Variants in JPH1 observed in about 807,000 individuals in gnomAD.
JPH1 encodes the protein junctophilin 1.
In JPH1, 12 loss-of-function variants were observed where a neutral mutation model predicts 53.6. That is an observed-to-expected ratio of 0.22 (90% CI 0.14 to 0.36). The LOEUF (loss-of-function observed/expected upper bound fraction) is 0.36, where lower values mean the gene tolerates loss of function less well. Ranked by LOEUF, JPH1 falls within the 10% of genes least tolerant of loss-of-function variation. The probability of loss-of-function intolerance (pLI) is 1.00; values close to 1 mark genes in which losing one functional copy is unlikely to be tolerated. For synonymous variants in JPH1, 375 were observed against 363.8 expected (o/e 1.03, Z -0.35); for missense variants, 808 against 905.5 (o/e 0.89, Z 1.38).
intron 3 of JPH1, among the ~76,000 whole-genome samples, chr8:74,258,472 A>G (rs1050229410): frequency 6.6e-5 from 10 of 152,204 alleles, no homozygotes; most frequent in African/African-American, 2.2e-4. Flanking sequence ...GTTGATTGCT[A>G]TTTTGTAACA....
chr8:74,255,798 T>A (rs993092353), intron 3 of JPH1, among the ~76,000 whole-genome samples: 3 of 152,134 alleles, frequency 2.0e-5, no homozygotes, highest in African/African-American at 4.8e-5. Context: ...AAAATGCTCA[T>A]CATCACTGGC....
intron 2 of JPH1, among the ~76,000 whole-genome samples, chr8:74,280,223 T>C (rs1418006423): frequency 1.3e-5 from 2 of 152,182 alleles, no homozygotes; most frequent in Admixed American, 6.5e-5. Context: ...CGAGGATTAA[T>C]AGTTGATTAT....
chr8:74,265,910 G>A (rs1375779550), intron 2 of JPH1, among the ~76,000 whole-genome samples: 1 of 151,058 alleles, frequency 6.6e-6, no homozygotes, highest in Non-Finnish European at 1.5e-5. Context: ...AAACCACAAT[G>A]AGATACTATT....
intron 3 of JPH1, among the ~76,000 whole-genome samples, chr8:74,250,846 A>G (rs146124756): frequency 1.7e-3 from 265 of 152,310 alleles, no homozygotes; most frequent in African/African-American, 5.9e-3. Context: ...AGACTGACGT[A>G]CAATCCTAGA....
rs564951779 is a variant in JPH1 at position 74,244,772 on chromosome 8, G to A, written c.1662C>T (p.Tyr554=). 1.8e-5 allele frequency: 29 copies of A among 1,614,198 alleles called. No individual in the cohort carries two copies. The African/African-American group carries it at 2.3e-4, about 13-fold the overall frequency. Residue 554 remains tyrosine (Y), a synonymous_variant, in exon 4 of 6, where the codon TAC becomes TAT. Coordinates refer to ENST00000342232, the MANE Select transcript of JPH1 (RefSeq NM_020647.4). ...GGTGCTGGGGGGCGTTCAGCTTCAC[G>A]TAGTAGCCGTGATACTGAGAATGCA... ...GELHSQYHGY[Y]VKLNAPQHPP...
chr8:74,293,641 C>T (rs1007897467), intron 2 of JPH1, among the ~76,000 whole-genome samples: 1 of 152,214 alleles, frequency 6.6e-6, no homozygotes, highest in Non-Finnish European at 1.5e-5. Context: ...ATTTTATAGG[C>T]ATGCTTTGCC....
Position 74,256,504 on chromosome 8 carries a change from G to A in JPH1, c.1258+2881C>T, listed in dbSNP as rs538576599. ...ACATGTATACATATGTAACAAACCT[G>A]CACGTTGTGCACATGTACCCTAAAA... On this transcript the variant is annotated intron_variant, in intron 3 of 5. Transcript: ENST00000342232. Among the ~76,000 whole-genome samples the A allele has an allele frequency of 6.7e-4, 101 of 149,846 alleles. 1 individual carries two copies. The highest frequency in any genetic ancestry group is 1.1e-3 in the Non-Finnish European group (75 of 67,784).
chr8:74,261,216 A>T (rs1391793276), intron 2 of JPH1, among the ~76,000 whole-genome samples: 2 of 152,230 alleles, frequency 1.3e-5, no homozygotes, highest in Non-Finnish European at 2.9e-5. Flanking sequence ...CAACACAAAC[A>T]GTGAATGAAG....
intron 1 of JPH1, among the ~76,000 whole-genome samples, chr8:74,318,457 T>C (rs1426680576): frequency 1.3e-5 from 2 of 152,162 alleles, no homozygotes; most frequent in African/African-American, 4.8e-5. Flanking sequence ...AATAGTTTTA[T>C]GACAAGTGAA....
rs1015403438 is a variant in JPH1 at position 74,235,056 on chromosome 8, C to T, written c.*1995G>A. 5.9e-5 allele frequency: 9 copies of T among 152,480 alleles called. No homozygotes were observed. Among genetic ancestry groups the T allele is most frequent in the Admixed American group, 2.0e-4 (3 of 15,252 alleles). 9.4% of individuals were successfully genotyped at this position (152,480 alleles called of 1,614,324 possible). Reference sequence around the variant, plus strand: ...TGCTCACTTTATAAACATATCCTCTCGCTATCTGTTACCCATTATTTCCAA... The same window carrying T: ...TGCTCACTTTATAAACATATCCTCTTGCTATCTGTTACCCATTATTTCCAA... On this transcript the variant is annotated 3_prime_UTR_variant, in exon 6 of 6. Transcript: ENST00000342232.
At chr8:74,283,729 C>G (rs185097673) in intron 2 of JPH1, among the ~76,000 whole-genome samples, 3 of 152,212 alleles carry the variant, frequency 2.0e-5, no homozygotes, top group East Asian at 1.9e-4. Flanking sequence ...ACAGCTCCCC[C>G]TCCCCAAGCC....
At chr8:74,289,427 C>T (rs1807258544) in intron 2 of JPH1, among the ~76,000 whole-genome samples, 1 of 152,190 alleles carries the variant, frequency 6.6e-6, no homozygotes, top group Non-Finnish European at 1.5e-5. Context: ...AGAGACAATT[C>T]TAAAGGTATT....
intron 2 of JPH1, among the ~76,000 whole-genome samples, chr8:74,304,738 T>A (rs1480290598): frequency 6.6e-6 from 1 of 152,220 alleles, no homozygotes; most frequent in Non-Finnish European, 1.5e-5. Flanking sequence ...TTTTACCATA[T>A]TTAAGTTTAA....
intron 3 of JPH1, among the ~76,000 whole-genome samples, chr8:74,248,048 C>T (rs978041940): frequency 2.0e-5 from 3 of 152,128 alleles, no homozygotes; most frequent in South Asian, 2.1e-4. Context: ...TATTTATCAA[C>T]TCTCAAATAC....
chr8:74,257,120 T>C (rs917729063), intron 3 of JPH1, among the ~76,000 whole-genome samples: 41 of 152,222 alleles, frequency 2.7e-4, no homozygotes, highest in African/African-American at 9.2e-4. Context: ...AGGCTTTCTA[T>C]ACAGTTGCTG....
chr8:74,258,310 TCAAA>T (rs1806295960), intron 3 of JPH1, among the ~76,000 whole-genome samples: 1 of 152,208 alleles, frequency 6.6e-6, no homozygotes, highest in Non-Finnish European at 1.5e-5. Flanking sequence ...TGTTGATGCC[TCAAA>T]CAATCACGGA....
At chr8:74,259,355 G>T in intron 3 of JPH1, 30 bp downstream of exon 3, 2 of 1,504,384 alleles carry the variant, frequency 1.3e-6, no homozygotes, top group Non-Finnish European at 9.2e-7. Flanking sequence ...CAGTGCTCCT[G>T]CCTCACCCAT....
intron 2 of JPH1, among the ~76,000 whole-genome samples, chr8:74,261,061 A>G (rs1806381969): frequency 6.6e-6 from 1 of 152,188 alleles, no homozygotes; most frequent in Admixed American, 6.5e-5. Flanking sequence ...TAGAGACAGT[A>G]AAAAGATTCA....
intron 2 of JPH1, among the ~76,000 whole-genome samples, chr8:74,283,588 T>C (rs1807075184): frequency 1.3e-5 from 2 of 152,168 alleles, no homozygotes; most frequent in South Asian, 4.1e-4. Flanking sequence ...TGAATACAAG[T>C]TATGAATCTA....
Sources: gnomAD v4.1 joint callset for allele counts (sites outside exome capture counted in the v4.1 genomes callset) on GRCh38, gnomAD v4.1.1 for gene constraint, MANE v1.5 for transcripts, NCBI Gene and HGNC (gene_info 2026-07-23, HGNC 2026-07-21) for gene names.